The following LLGL1 variants were observed in gnomAD, a reference collection of about 807,000 sequenced individuals.
LLGL1 encodes the protein LLGL scribble cell polarity complex component 1.
Under a neutral mutation model 110.6 loss-of-function variants are expected in LLGL1, and 58 were observed. The observed-to-expected ratio is 0.52, with a 90% CI of 0.42 to 0.65. The LOEUF (loss-of-function observed/expected upper bound fraction) is 0.65. LLGL1 is among the 30% of genes least tolerant of loss of function. LLGL1 has a pLI of 0.00. For missense variants in LLGL1, 1,229 were observed against 1,462.1 expected (o/e 0.84, Z 2.60); for synonymous variants, 674 against 607.2 (o/e 1.11, Z -1.62).
chr17:18,236,546 A>G, intron 11 of LLGL1, 61 bp from the exon 12 acceptor site: 1 of 1,520,104 alleles, frequency 6.6e-7, no homozygotes, highest in East Asian at 2.3e-5. Context: ...AGATGAGTGA[A>G]TGGAGGGGCG....
chr17:18,232,781 G>T lies in LLGL1; in HGVS notation c.371G>T (p.Arg124Leu). 6.2e-7 allele frequency: 1 copy of T among 1,613,992 alleles called. No homozygotes were observed. Among genetic ancestry groups the T allele is most frequent in the Non-Finnish European group, 8.5e-7 (1 of 1,180,028 alleles). The stretch of plus-strand genomic sequence containing the variant: ...GCACTCAGTTTCCAGCTGCCCAGCC[G>T]GCCCGGCTTTGATGGTGCCAGGTAC... ...EEALSFQLPS[R>L]PGFDGASAPL... is the part of the protein sequence containing the mutation. The change falls in exon 4 of 23, where the codon CGG (arginine) becomes CTG (leucine). Residue 124 changes from arginine (R) to leucine (L), a missense_variant. Arg to Leu is a moderately radical substitution (Grantham distance 102). Coordinates refer to ENST00000316843, the MANE Select transcript of LLGL1 (RefSeq NM_004140.4).
At chr17:18,243,396 C>T (rs941963151) in intron 22 of LLGL1, among the ~76,000 whole-genome samples, 7 of 152,198 alleles carry the variant, frequency 4.6e-5, no homozygotes, top group African/African-American at 1.4e-4. Flanking sequence ...CGTGAGCCAC[C>T]GCACCCGGCC....
At position 18,234,531 on chromosome 17, in the gene LLGL1, G is replaced by A. The variant is rs528065715; in HGVS notation, c.851-118G>A. 2.7e-5 allele frequency: 43 copies of A among 1,574,690 alleles called. No individual in the cohort carries two copies. The East Asian group carries it at 3.9e-4, about 14-fold the overall frequency. On this transcript the variant is annotated intron_variant, in intron 7 of 22. Coordinates refer to ENST00000316843, the MANE Select transcript of LLGL1 (RefSeq NM_004140.4). The stretch of plus-strand genomic sequence containing the variant: ...GTCTGGGGGCAGTGTGTCTCCCGCC[G>A]ACTTCCCGGGGAGGCAGGAGGCAGC...
chr17:18,235,240 C>T lies in LLGL1; in HGVS notation c.1212C>T (p.Val404=), dbSNP rs1364527746. The T allele has an allele frequency of 6.2e-7, 1 of 1,610,798 alleles. No individual in the cohort carries two copies. The highest frequency in any genetic ancestry group is 1.3e-5 in the African/African-American group (1 of 75,064). The part of the protein sequence containing the change: ...AITCSAHVAS[V]PAKLWARIVS... ...CTTGCTCGGCCCACGTGGCCAGTGT[C>T]CCCGCCAAGCTGTGGGCCCGCATTG... The change falls in exon 10 of 23, where the codon GTC becomes GTT. Residue 404 remains valine (V), a synonymous_variant. Coordinates refer to ENST00000316843, the MANE Select transcript of LLGL1 (RefSeq NM_004140.4).
intron 22 of LLGL1, 123 bp downstream of exon 22, chr17:18,242,945 T>C (rs2047880165): frequency 3.3e-6 from 3 of 910,486 alleles, no homozygotes; most frequent in Non-Finnish European, 4.9e-6. Context: ...GATGGCACTC[T>C]CTGAAACCTG....
At chr17:18,230,722 C>T (rs1295204134) in intron 2 of LLGL1, among the ~76,000 whole-genome samples, 7 of 152,170 alleles carry the variant, frequency 4.6e-5, no homozygotes, top group Non-Finnish European at 8.8e-5. Flanking sequence ...CCCTACCCCT[C>T]CTGTGTGGCC....
Position 18,240,986 on chromosome 17 carries a change from G to A in LLGL1, c.2502+113G>A, listed in dbSNP as rs1026495939. 1.6e-5 allele frequency: 19 copies of A among 1,170,292 alleles called. No homozygotes were observed. The highest frequency in any genetic ancestry group is 2.2e-5 in the Non-Finnish European group (19 of 851,456). 72.5% of individuals were successfully genotyped at this position (1,170,292 alleles called of 1,614,324 possible). On this transcript the variant is annotated intron_variant, in intron 17 of 22. Transcript: ENST00000316843. This position sits in a 1 kb window ranked among gnomAD's most constrained non-coding sequence, Gnocchi z 5.3. ...TCCTGCCTGTATCCCCCACTGTTGG[G>A]ACCCTAATTCCCTTGCACCCCAGAA...
Position 18,234,014 on chromosome 17 carries a change from G to A in LLGL1, c.553G>A (p.Val185Met), listed in dbSNP as rs115399906. 1.6e-3 allele frequency: 2,512 copies of A among 1,593,580 alleles called. 29 individuals carry two copies. The African/African-American group carries it at 0.027, about 17-fold the overall frequency. Residue 185 changes from valine to methionine, a missense_variant and splice_region_variant, in exon 6 of 23, where the codon GTG (valine) becomes ATG (methionine). Coordinates refer to ENST00000316843, the MANE Select transcript of LLGL1 (RefSeq NM_004140.4). Reference sequence around the variant, plus strand: ...TGGCTCACCTGCCTTCCTCCACAGCGTGCCAGACGACTACCGCTGTGGGAA... The same window carrying A: ...TGGCTCACCTGCCTTCCTCCACAGCATGCCAGACGACTACCGCTGTGGGAA... ...TLAPGEVLRS[V>M]PDDYRCGKAL...
chr17:18,230,140 A>C (rs1215134718), intron 2 of LLGL1, 102 bp downstream of exon 2: 2 of 858,332 alleles, frequency 2.3e-6, no homozygotes, highest in Non-Finnish European at 3.6e-6. Context: ...GCTCGAGAGG[A>C]GGACAGAGGT....
Position 18,236,569 on chromosome 17 carries a change from A to C in LLGL1, c.1353-38A>C, listed in dbSNP as rs554014992. The C allele has an allele frequency of 7.4e-5, 117 of 1,581,762 alleles. 1 individual carries two copies. The South Asian group carries it at 1.3e-3, about 17-fold the overall frequency. ...GAATGGAGGGGCGTGCAGGCCTCCCAGGAACTCGGGTAGCCCTGACATCTG... is the reference window on the plus strand; with the variant it reads ...GAATGGAGGGGCGTGCAGGCCTCCCCGGAACTCGGGTAGCCCTGACATCTG... On this transcript the variant is annotated intron_variant, in intron 11 of 22. Transcript: ENST00000316843.
intron 2 of LLGL1, among the ~76,000 whole-genome samples, 174 bp from the exon 3 acceptor site, chr17:18,232,321 G>A (rs1042118323): frequency 4.6e-5 from 7 of 152,244 alleles, no homozygotes; most frequent in African/African-American, 1.7e-4. Context: ...TACTGTAGGG[G>A]TGCAGAGTGG....
intron 9 of LLGL1, 34 bp from the exon 10 acceptor site, chr17:18,235,055 G>T: frequency 6.2e-7 from 1 of 1,613,730 alleles, no homozygotes; most frequent in African/African-American, 1.3e-5. Context: ...GCCACCTATG[G>T]CTGTGCTCAC....
intron 2 of LLGL1, among the ~76,000 whole-genome samples, chr17:18,231,771 T>G (rs560492152): frequency 6.6e-6 from 1 of 152,218 alleles, no homozygotes; most frequent in Non-Finnish European, 1.5e-5. Flanking sequence ...AGCAGTTCTC[T>G]GCCTCAGCCT....
Position 18,225,663 on chromosome 17 carries a change from C to T in LLGL1, c.-20C>T, listed in dbSNP as rs912729206. 5.1e-6 allele frequency: 5 copies of T among 987,120 alleles called. No individual in the cohort carries two copies. The highest frequency in any genetic ancestry group is 1.8e-5 in the African/African-American group (1 of 56,610). 61.1% of individuals were successfully genotyped at this position (987,120 alleles called of 1,614,324 possible). On this transcript the variant is annotated 5_prime_UTR_variant, in exon 1 of 23. Coordinates refer to ENST00000316843, the MANE Select transcript of LLGL1 (RefSeq NM_004140.4). ...CTGCGGGCGGCGGCGGCGGGCGAGG[C>T]GCCTGCAGCCGGGCGCAAGATGATG...
intron 16 of LLGL1, among the ~76,000 whole-genome samples, chr17:18,238,827 A>G (rs1244308339): frequency 6.6e-6 from 1 of 152,176 alleles, no homozygotes; most frequent in African/African-American, 2.4e-5. Flanking sequence ...CCAGGCCAAC[A>G]TGGTGAAACC....
intron 11 of LLGL1, chr17:18,236,086 G>A (rs2605137): frequency 0.29 from 51,109 of 177,686 alleles, 7,984 homozygotes; most frequent in Non-Finnish European, 0.34. Context: ...GCCCTGCTTG[G>A]ACTCTGCAGC....
rs1478782938 is a variant in LLGL1, at chr17:18,232,811, G to A, written c.392+9G>A. 2.5e-6 allele frequency: 4 copies of A among 1,613,620 alleles called. No individual in the cohort carries two copies. The Admixed American group carries it at 5.0e-5, about 20-fold the overall frequency. On this transcript the variant is annotated intron_variant, in intron 4 of 22. Coordinates refer to ENST00000316843, the MANE Select transcript of LLGL1 (RefSeq NM_004140.4). ...GGCTTTGATGGTGCCAGGTACTGGA[G>A]AACTTGGCTGGGGCCAGCCACCGGG...
chr17:18,242,245 G>A lies in LLGL1; in HGVS notation c.2962G>A (p.Gly988Arg). ...SILLAPQSLDGSPDPAHSMGP... is the reference protein window; with the variant it reads ...SILLAPQSLDRSPDPAHSMGP... ...CCTGCTGGCCCCACAGAGCCTTGAT[G>A]GAAGCCCTGATCCAGCCCACAGCAT... Residue 988 changes from glycine to arginine, a missense_variant, in exon 20 of 23, where the codon GGA becomes AGA. By Grantham distance (125) the Gly-to-Arg change is moderately radical. Transcript: ENST00000316843. 1 of 1,614,090 alleles carries A rather than the reference G, an allele frequency of 6.2e-7. No individual in the cohort carries two copies. The highest frequency in any genetic ancestry group is 8.5e-7 in the Non-Finnish European group (1 of 1,179,994).
In LLGL1 at chr17:18,241,684, C is replaced by T. The variant is rs758642037; in HGVS notation, c.2736C>T (p.Ile912=). The T allele has an allele frequency of 9.9e-6, 16 of 1,613,396 alleles. No individual in the cohort carries two copies. Among genetic ancestry groups the T allele is most frequent in the East Asian group, 8.9e-5 (4 of 44,890 alleles). ...TCCGGAAGGAGGACATCAGCGGCATCGCTTCGTGCGTCTTTACGCGCCATG... is the reference window on the plus strand; with the variant it reads ...TCCGGAAGGAGGACATCAGCGGCATTGCTTCGTGCGTCTTTACGCGCCATG... The part of the protein sequence containing the change: ...SCIRKEDISG[I]ASCVFTRHGQ... The change falls in exon 18 of 23, where the codon ATC becomes ATT. Residue 912 remains isoleucine (I), a synonymous_variant. Transcript: ENST00000316843.
Sources: allele counts gnomAD v4.1 joint callset (sites outside exome capture counted in the v4.1 genomes callset), GRCh38; gene constraint gnomAD v4.1.1; non-coding constraint Gnocchi (gnomAD v3.1); transcripts MANE v1.5; gene names NCBI Gene and HGNC (gene_info 2026-07-23, HGNC 2026-07-21).